Variants in PARD3B observed in about 807,000 individuals in gnomAD.
The protein encoded by PARD3B is partitioning defective 3 homolog B.
In PARD3B, 103 loss-of-function variants were observed where a neutral mutation model predicts 130.2. The ratio of observed to expected loss-of-function variants is 0.79; its 90% CI spans 0.67 to 0.93. The LOEUF is 0.93. Ranked by LOEUF, PARD3B falls within the 40% of genes least tolerant of loss-of-function variation. PARD3B has a pLI of 0.00. For missense variants in PARD3B, 1,609 were observed against 1,499.2 expected, an observed-to-expected ratio of 1.07 and a Z score of -1.21; for synonymous variants, 583 against 553.2, an observed-to-expected ratio of 1.05 and a Z score of -0.76.
At chr2:205,115,451 G>C (rs577324746) in intron 6 of PARD3B, among the ~76,000 whole-genome samples, 1 of 152,048 alleles carries the variant, frequency 6.6e-6, no homozygotes, top group Non-Finnish European at 1.5e-5. Flanking sequence ...ATGTATGAAC[G>C]TGTAAATCAT....
At chr2:205,411,784 G>A (rs1173286290) in intron 19 of PARD3B, among the ~76,000 whole-genome samples, 8 of 152,086 alleles carry the variant, frequency 5.3e-5, no homozygotes, top group Non-Finnish European at 8.8e-5. Flanking sequence ...ATCGCCGGTT[G>A]GAAGTTGCTC....
intron 1 of PARD3B, among the ~76,000 whole-genome samples, chr2:204,639,024 A>T (rs1205774673): frequency 1.3e-5 from 2 of 152,054 alleles, no homozygotes; most frequent in Non-Finnish European, 2.9e-5. Flanking sequence ...ATCTCTGTAG[A>T]TCCCAGCCTG....
intron 2 of PARD3B, among the ~76,000 whole-genome samples, chr2:204,813,499 T>G (rs2043036897): frequency 6.6e-6 from 1 of 152,140 alleles, no homozygotes; most frequent in Non-Finnish European, 1.5e-5. Context: ...TTAAAAATGT[T>G]ACACAAATAG....
intron 2 of PARD3B, among the ~76,000 whole-genome samples, chr2:204,938,245 T>C (rs1688618007): frequency 6.6e-6 from 1 of 152,200 alleles, no homozygotes; most frequent in Admixed American, 6.5e-5. Context: ...AAATCCACAG[T>C]CCTTCCTCTA....
At chr2:204,729,998 AACACACACACACACAC>A (rs3036396) in intron 2 of PARD3B, among the ~76,000 whole-genome samples, 14 of 141,364 alleles carry the variant, frequency 9.9e-5, no homozygotes, top group Admixed American at 2.1e-4. Flanking sequence ...CACACACACA[AACACACACACACACAC>A]ACACACACAC....
intron 2 of PARD3B, among the ~76,000 whole-genome samples, chr2:204,748,607 A>C (rs2040340036): frequency 6.6e-6 from 1 of 152,046 alleles, no homozygotes. Flanking sequence ...CATTTTAATT[A>C]CTCAAAAGCT....
intron 2 of PARD3B, among the ~76,000 whole-genome samples, chr2:204,958,336 C>T (rs547024693): frequency 2.6e-5 from 4 of 152,050 alleles, no homozygotes; most frequent in African/African-American, 4.8e-5. Context: ...ATTTACTTGT[C>T]GGCATAGAAG....
At chr2:204,590,731 A>C (rs1363912707) in intron 1 of PARD3B, among the ~76,000 whole-genome samples, 1 of 152,254 alleles carries the variant, frequency 6.6e-6, no homozygotes, top group Non-Finnish European at 1.5e-5. Flanking sequence ...ACTAGGACTC[A>C]GGCTTTTAAA....
At chr2:204,988,177 A>G (rs1209446743) in intron 3 of PARD3B, among the ~76,000 whole-genome samples, 1 of 152,326 alleles carries the variant, frequency 6.6e-6, no homozygotes, top group East Asian at 1.9e-4. Context: ...TTAGCACTGC[A>G]TGCATGATAA....
In PARD3B at chr2:205,105,080, CTAGG is replaced by C. The variant is rs1703109178; in HGVS notation, c.593+570_593+573del. 6.6e-6 allele frequency among the ~76,000 whole-genome samples: 1 copy of C among 152,186 alleles called. No homozygotes were observed. The highest frequency in any genetic ancestry group is 6.5e-5 in the Admixed American group (1 of 15,272). ...CTTTGCATTGATTCCCAGTTCAGCTCTAGGTAGTGCCTGGGTTCATATCGCAGCT... is the reference window on the plus strand; with the variant it reads ...CTTTGCATTGATTCCCAGTTCAGCTCTAGTGCCTGGGTTCATATCGCAGCT... On this transcript the variant is annotated intron_variant, in intron 5 of 22. Coordinates refer to ENST00000406610, the MANE Select transcript of PARD3B (RefSeq NM_001302769.2). This position sits in a 1 kb window ranked among gnomAD's most constrained non-coding sequence, Gnocchi z 4.0.
At position 204,610,181 on chromosome 2, in the gene PARD3B, G is replaced by A. The variant is rs1489839362; in HGVS notation, c.120+64062G>A. ...CGTGGCTGGAAATTCAGTTTTTCAG[G>A]TTTCTCTGGAGTCCCCTTGGCCATG... On this transcript the variant is annotated intron_variant, in intron 1 of 22. Coordinates refer to ENST00000406610, the MANE Select transcript of PARD3B (RefSeq NM_001302769.2). This position sits in a 1 kb window ranked among gnomAD's most constrained non-coding sequence, Gnocchi z 4.1. Among the ~76,000 whole-genome samples the A allele has an allele frequency of 6.6e-6, 1 of 152,104 alleles. No individual in the cohort carries two copies. The highest frequency in any genetic ancestry group is 2.4e-5 in the African/African-American group (1 of 41,416).
intron 4 of PARD3B, 46 bp downstream of exon 4, chr2:205,047,736 G>C: frequency 1.5e-6 from 2 of 1,361,984 alleles, no homozygotes; most frequent in Non-Finnish European, 2.0e-6. Flanking sequence ...TCAAAGTGCT[G>C]TACCCATAGG....
intron 1 of PARD3B, among the ~76,000 whole-genome samples, chr2:204,551,590 A>T (rs567976722): frequency 6.6e-6 from 1 of 151,594 alleles, no homozygotes; most frequent in Admixed American, 6.6e-5. Context: ...ATCCCCACAC[A>T]CCCTCTGTGT....
chr2:205,443,158 T>C (rs1018436099), intron 20 of PARD3B, among the ~76,000 whole-genome samples: 5 of 152,196 alleles, frequency 3.3e-5, no homozygotes, highest in African/African-American at 1.2e-4. Context: ...TTATTATTAC[T>C]CTCCTTTTTC....
chr2:205,370,784 T>G (rs1260152866), intron 18 of PARD3B, among the ~76,000 whole-genome samples: 1 of 152,250 alleles, frequency 6.6e-6, no homozygotes, highest in Non-Finnish European at 1.5e-5. Flanking sequence ...TTTAAGTGCA[T>G]TCTGTCATCT....
intron 1 of PARD3B, among the ~76,000 whole-genome samples, chr2:204,640,895 A>T (rs2035052909): frequency 6.7e-6 from 1 of 148,730 alleles, no homozygotes. Context: ...ATTTATAAGT[A>T]TCTATATTTT....
At chr2:205,604,341 T>G (rs1359906715) in intron 22 of PARD3B, among the ~76,000 whole-genome samples, 1 of 152,168 alleles carries the variant, frequency 6.6e-6, no homozygotes, top group Non-Finnish European at 1.5e-5. Context: ...GAGCAAGTCA[T>G]GTCTTACATA....
intron 13 of PARD3B, among the ~76,000 whole-genome samples, chr2:205,182,418 C>A (rs2035843468): frequency 6.7e-6 from 1 of 150,200 alleles, no homozygotes; most frequent in Admixed American, 6.6e-5. Context: ...AACACATAAA[C>A]ACATAAAGAA....
intron 2 of PARD3B, among the ~76,000 whole-genome samples, chr2:204,897,009 A>C (rs928520059): frequency 1.3e-5 from 2 of 152,236 alleles, no homozygotes; most frequent in Non-Finnish European, 2.9e-5. Flanking sequence ...TAATAAAAGG[A>C]AATTAATTGT....
Sources: allele counts gnomAD v4.1 joint callset (sites outside exome capture counted in the v4.1 genomes callset), GRCh38; gene constraint gnomAD v4.1.1; non-coding constraint Gnocchi (gnomAD v3.1); transcripts MANE v1.5; gene names NCBI Gene and HGNC (gene_info 2026-07-23, HGNC 2026-07-21).